Variants in FMN1 observed in about 807,000 individuals in gnomAD.
The protein encoded by FMN1 is formin 1.
FMN1 carries 110 observed loss-of-function variants against 132.4 expected under a neutral mutation model. The ratio of observed to expected loss-of-function variants is 0.83; its 90% CI spans 0.71 to 0.97. The LOEUF (loss-of-function observed/expected upper bound fraction) is 0.97. Ranked by LOEUF, FMN1 falls within the 50% of genes least tolerant of loss-of-function variation. FMN1 has a pLI of 0.00. For missense variants in FMN1, 1,792 were observed against 1,705.3 expected (o/e 1.05, Z -0.90); for synonymous variants, 722 against 651.7 (o/e 1.11, Z -1.64).
chr15:33,068,521 A>C (rs1354672524), intron 5 of FMN1, among the ~76,000 whole-genome samples: 16 of 152,218 alleles, frequency 1.1e-4, no homozygotes, highest in Non-Finnish European at 7.3e-5. Context: ...GTACACCCAG[A>C]TCAGCAGCCA....
chr15:32,851,975 T>C (rs184967953), intron 17 of FMN1, among the ~76,000 whole-genome samples: 73 of 152,352 alleles, frequency 4.8e-4, no homozygotes, highest in African/African-American at 1.4e-3. Flanking sequence ...AGCTGTGCTG[T>C]AGAAGTACAG....
chr15:33,054,001 A>G (rs1052889332), intron 6 of FMN1, among the ~76,000 whole-genome samples: 2 of 152,192 alleles, frequency 1.3e-5, no homozygotes, highest in Non-Finnish European at 1.5e-5. Context: ...CTCAATCTCC[A>G]GTGCCTCTCC....
At chr15:33,114,413 T>A (rs890645260) in intron 4 of FMN1, among the ~76,000 whole-genome samples, 9 of 152,216 alleles carry the variant, frequency 5.9e-5, no homozygotes, top group Non-Finnish European at 8.8e-5. Flanking sequence ...GATAAAAATA[T>A]GAATATTTTG....
chr15:33,007,079 A>C (rs1489042370), intron 7 of FMN1, among the ~76,000 whole-genome samples: 1 of 152,228 alleles, frequency 6.6e-6, no homozygotes, highest in Non-Finnish European at 1.5e-5. Context: ...ATAAATGATA[A>C]ATATGTGAGG....
intron 5 of FMN1, among the ~76,000 whole-genome samples, chr15:33,077,535 C>A (rs2038266306): frequency 6.6e-6 from 1 of 151,648 alleles, no homozygotes; most frequent in Admixed American, 6.6e-5. Flanking sequence ...CCACAACAGG[C>A]CCCGGTGTGT....
rs180945745 is a variant in FMN1, at chr15:32,915,469, G to A, written c.3227-4934C>T. Among the ~76,000 whole-genome samples, 3 of 152,040 alleles carry A rather than the reference G, an allele frequency of 2.0e-5. No homozygotes were observed. The East Asian group carries it at 5.8e-4, about 29-fold the overall frequency. ...GTCAGTCTTCAACTAAACTATTTTC[G>A]GCGTCACCCAAGATCAGATCGCTCC... On this transcript the variant is annotated intron_variant, in intron 10 of 20. Transcript: ENST00000616417.
intron 4 of FMN1, among the ~76,000 whole-genome samples, chr15:33,136,055 A>G (rs1453057645): frequency 1.3e-5 from 2 of 152,260 alleles, no homozygotes; most frequent in Admixed American, 6.5e-5. Context: ...ATGCTTTTGT[A>G]GATATAAATA....
chr15:32,895,943 T>C (rs1016359535), intron 15 of FMN1, among the ~76,000 whole-genome samples: 1 of 152,174 alleles, frequency 6.6e-6, no homozygotes, highest in Non-Finnish European at 1.5e-5. Context: ...ACTGAACACT[T>C]CGAAAGGATT....
intron 4 of FMN1, among the ~76,000 whole-genome samples, chr15:33,102,186 G>A (rs749755727): frequency 3.9e-4 from 60 of 152,084 alleles, no homozygotes; most frequent in Non-Finnish European, 7.6e-4. Context: ...GTCTTCAGAG[G>A]TTTTCCCCTA....
At chr15:33,008,843 C>A (rs371444464) in intron 6 of FMN1, among the ~76,000 whole-genome samples, 4 of 152,086 alleles carry the variant, frequency 2.6e-5, no homozygotes, top group African/African-American at 7.2e-5. Context: ...AACCACAAGA[C>A]AAAAATGCTA....
intron 9 of FMN1, among the ~76,000 whole-genome samples, chr15:32,957,597 A>G (rs2029960163): frequency 6.6e-6 from 1 of 152,156 alleles, no homozygotes; most frequent in African/African-American, 2.4e-5. Flanking sequence ...ATTTGCAAAT[A>G]GTTTTAGGAA....
At chr15:33,040,803 A>G (rs1462769535) in intron 6 of FMN1, among the ~76,000 whole-genome samples, 1 of 152,222 alleles carries the variant, frequency 6.6e-6, no homozygotes, top group Non-Finnish European at 1.5e-5. Flanking sequence ...TAGTGGTACA[A>G]TGAAGGAGTC....
intron 5 of FMN1, chr15:33,067,485 C>T (rs769260706): frequency 1.2e-6 from 2 of 1,614,038 alleles, no homozygotes; most frequent in Non-Finnish European, 1.7e-6. Context: ...ACACAAATGA[C>T]ATCGTCTTTT....
chr15:32,795,742 G>C (rs1202752968), intron 19 of FMN1, among the ~76,000 whole-genome samples: 1 of 152,162 alleles, frequency 6.6e-6, no homozygotes, highest in Non-Finnish European at 1.5e-5. Flanking sequence ...GATACCAGGG[G>C]CAGCACGATG....
chr15:32,987,173 T>C (rs557644533), intron 7 of FMN1, among the ~76,000 whole-genome samples: 1 of 152,226 alleles, frequency 6.6e-6, no homozygotes, highest in East Asian at 1.9e-4. Context: ...TTCTTAAGTG[T>C]TTCAAAGGTT....
At chr15:32,921,296 T>C (rs1213255716) in intron 10 of FMN1, among the ~76,000 whole-genome samples, 1 of 152,170 alleles carries the variant, frequency 6.6e-6, no homozygotes, top group Non-Finnish European at 1.5e-5. Flanking sequence ...TCAAAATGTG[T>C]TGTGCATGCA....
intron 5 of FMN1, among the ~76,000 whole-genome samples, chr15:33,085,744 G>A (rs539006473): frequency 5.9e-5 from 9 of 152,134 alleles, no homozygotes; most frequent in African/African-American, 1.9e-4. Flanking sequence ...ATAATGGGGG[G>A]AAAGGGTATA....
intron 4 of FMN1, among the ~76,000 whole-genome samples, chr15:33,127,155 C>CA (rs1963163569): frequency 7.0e-6 from 1 of 142,572 alleles, no homozygotes; most frequent in African/African-American, 2.5e-5. Context: ...TCCCATGTTA[C>CA]ATTCTCTCAA....
At position 33,154,920 on chromosome 15, in the gene FMN1, C is replaced by A; in HGVS notation, c.-6G>T. 1 of 1,522,742 alleles carries A rather than the reference C, an allele frequency of 6.6e-7. No individual in the cohort carries two copies. The allele number at this position is 1,522,742 out of a possible 1,614,324, so 94.3% of individuals were successfully genotyped here. On this transcript the variant is annotated 5_prime_UTR_variant, in exon 4 of 21. The change creates a new upstream start codon in the 5' untranslated region. Transcript: ENST00000616417. ...GTACAATGAGTGCCTTCCATTATGC[C>A]TACCTAATTATTCATGCCTTGGAGA...
Sources: gnomAD v4.1 joint callset for allele counts (sites outside exome capture counted in the v4.1 genomes callset) on GRCh38, gnomAD v4.1.1 for gene constraint, MANE v1.5 for transcripts, NCBI Gene and HGNC (gene_info 2026-07-23, HGNC 2026-07-21) for gene names.